AHCYL2: variants seen among roughly 807,000 people sequenced by gnomAD.
AHCYL2 encodes S-adenosylhomocysteine hydrolase-like protein 2.
AHCYL2 carries 28 observed loss-of-function variants against 81.4 expected under a neutral mutation model. The ratio of observed to expected loss-of-function variants is 0.34; its 90% CI spans 0.25 to 0.47. AHCYL2 has a LOEUF of 0.47. Ranked by LOEUF, AHCYL2 falls within the 20% of genes least tolerant of loss-of-function variation. The probability of loss-of-function intolerance (pLI) is 1.00; values close to 1 mark genes in which losing one functional copy is unlikely to be tolerated. For synonymous variants in AHCYL2, 272 were observed against 290.2 expected, an observed-to-expected ratio of 0.94 and a Z score of 0.64; for missense variants, 551 against 785.1, an observed-to-expected ratio of 0.70 and a Z score of 3.56.
intron 11 of AHCYL2, among the ~76,000 whole-genome samples, chr7:129,413,290 C>T (rs1289639611): frequency 2.6e-5 from 4 of 150,966 alleles, no homozygotes; most frequent in South Asian, 2.1e-4. Context: ...TAAAGGCACC[C>T]GCCACCACAC....
Position 129,406,027 on chromosome 7 carries a change from G to T in AHCYL2, c.1206+128G>T. 1.2e-6 allele frequency: 1 copy of T among 860,024 alleles called. No individual in the cohort carries two copies. Among genetic ancestry groups the T allele is most frequent in the Non-Finnish European group, 1.8e-6 (1 of 559,240 alleles). 53.3% of individuals were successfully genotyped at this position (860,024 alleles called of 1,614,324 possible). Reference sequence around the variant, plus strand: ...TTAGATGAGAAAAAGAATTTCAGAGGCCTTCTGGTTGAAGTAGACTTTCTT... The same window carrying T: ...TTAGATGAGAAAAAGAATTTCAGAGTCCTTCTGGTTGAAGTAGACTTTCTT... On this transcript the variant is annotated intron_variant, in intron 9 of 16. Transcript: ENST00000325006. The surrounding 1 kb of genome is among the most constrained non-coding windows in gnomAD (Gnocchi z 4.3).
At chr7:129,399,196 C>T (rs1317714935) in intron 5 of AHCYL2, among the ~76,000 whole-genome samples, 1 of 145,016 alleles carries the variant, frequency 6.9e-6, no homozygotes, top group Admixed American at 7.0e-5. Flanking sequence ...CACCTGTAAT[C>T]CCAGCACTTT....
Position 129,430,029 on chromosome 7 carries a change from A to ATATATATC in AHCYL2, c.*2999_*3006dup, listed in dbSNP as rs1297212786. 1.3e-5 allele frequency: 2 copies of ATATATATC among 150,648 alleles called. No homozygotes were observed. The allele number at this position is 150,648 out of a possible 1,614,324, so 9.3% of individuals were successfully genotyped here. ...CTAAACTCTATATATACATATATAT[A>ATATATATC]TATATATCTATATATCTATATACGT... On this transcript the variant is annotated 3_prime_UTR_variant, in exon 17 of 17. Coordinates refer to ENST00000325006, the MANE Select transcript of AHCYL2 (RefSeq NM_015328.4).
chr7:129,394,185 A>G (rs1303443495), intron 4 of AHCYL2, among the ~76,000 whole-genome samples: 1 of 151,118 alleles, frequency 6.6e-6, no homozygotes, highest in Non-Finnish European at 1.5e-5. Context: ...ATTTTTTTTA[A>G]TTTTTTGTAG....
rs528854642 is a variant in AHCYL2 at position 129,251,636 on chromosome 7, G to A, written c.363+26197G>A. Among the ~76,000 whole-genome samples the A allele has an allele frequency of 9.2e-5, 14 of 152,212 alleles. No homozygotes were observed. The South Asian group carries it at 2.9e-3, about 32-fold the overall frequency. ...GGCGTCCCAAAGTGGTGAGATTACA[G>A]GTGTGCGCCACTGTGCCTGGCCAGC... is the stretch of plus-strand genomic sequence containing the variant. On this transcript the variant is annotated intron_variant, in intron 1 of 16. Coordinates refer to ENST00000325006, the MANE Select transcript of AHCYL2 (RefSeq NM_015328.4).
intron 11 of AHCYL2, chr7:129,410,140 T>G: frequency 1.3e-6 from 2 of 1,589,140 alleles, no homozygotes; most frequent in Non-Finnish European, 1.7e-6. Context: ...CAAATTGAGA[T>G]GAACGATTAT....
At position 129,422,891 on chromosome 7, in the gene AHCYL2, G is replaced by A. The variant is rs1797181027; in HGVS notation, c.1513G>A (p.Asp505Asn). Residue 505 changes from aspartate to asparagine, a missense_variant, in exon 13 of 17, where the codon GAC becomes AAC. By Grantham distance (23) the Asp-to-Asn change is conservative. Coordinates refer to ENST00000325006, the MANE Select transcript of AHCYL2 (RefSeq NM_015328.4). ...LTWERVRSQV[D>N]HVIWPDGKRI... ...CTGGGAGCGAGTGAGATCTCAAGTT[G>A]ACCATGTGATATGGCCTGATGGCAA... The A allele has an allele frequency of 6.2e-7, 1 of 1,614,014 alleles. No individual in the cohort carries two copies.
chr7:129,371,864 T>A (rs966457964), intron 1 of AHCYL2, among the ~76,000 whole-genome samples: 26 of 152,218 alleles, frequency 1.7e-4, no homozygotes, highest in African/African-American at 6.0e-4. Context: ...AAAGAGTTAG[T>A]TCAAGCCGCT....
chr7:129,418,628 G>A (rs1796971231), intron 12 of AHCYL2, among the ~76,000 whole-genome samples: 1 of 152,144 alleles, frequency 6.6e-6, no homozygotes. Flanking sequence ...TACTCTGGAG[G>A]CCAGGTGTGG....
chr7:129,326,111 A>G (rs1798214646), intron 1 of AHCYL2, among the ~76,000 whole-genome samples: 1 of 152,204 alleles, frequency 6.6e-6, no homozygotes, highest in Non-Finnish European at 1.5e-5. Context: ...TAGTGTGATG[A>G]ACATTTGTAT....
At chr7:129,355,871 A>G (rs1197479683) in intron 1 of AHCYL2, among the ~76,000 whole-genome samples, 2 of 152,158 alleles carry the variant, frequency 1.3e-5, no homozygotes, top group Non-Finnish European at 2.9e-5. Flanking sequence ...ATTTGACTTC[A>G]ATGGGGAAAG....
At chr7:129,240,197 A>C in intron 1 of AHCYL2, among the ~76,000 whole-genome samples, 1 of 151,998 alleles carries the variant, frequency 6.6e-6, no homozygotes, top group Middle Eastern at 3.4e-3. Context: ...CCTGGGCAAC[A>C]TGAGCAAAAA....
intron 1 of AHCYL2, among the ~76,000 whole-genome samples, chr7:129,290,579 G>A (rs1796809662): frequency 6.6e-6 from 1 of 151,780 alleles, no homozygotes; most frequent in Non-Finnish European, 1.5e-5. Context: ...GCTGAAGAAA[G>A]TGCAGTATAA....
At chr7:129,358,285 G>C (rs1012329506) in intron 1 of AHCYL2, among the ~76,000 whole-genome samples, 6 of 151,888 alleles carry the variant, frequency 4.0e-5, no homozygotes, top group Non-Finnish European at 5.9e-5. Flanking sequence ...CCAGCTACTC[G>C]GGAGGCTGAG....
chr7:129,247,154 T>G (rs1484487246), intron 1 of AHCYL2, among the ~76,000 whole-genome samples: 1 of 152,228 alleles, frequency 6.6e-6, no homozygotes, highest in Non-Finnish European at 1.5e-5. Context: ...TGGCAAACTG[T>G]TTTCCAAAGC....
chr7:129,355,924 T>C (rs1464137227), intron 1 of AHCYL2, among the ~76,000 whole-genome samples: 1 of 152,166 alleles, frequency 6.6e-6, no homozygotes, highest in Non-Finnish European at 1.5e-5. Context: ...GTCAGAACTT[T>C]TTGGCAGAAA....
In AHCYL2 at chr7:129,427,138, C is replaced by T. The variant is rs981148464; in HGVS notation, c.*93C>T. Reference sequence around the variant, plus strand: ...GAAAGAATTCAGCAAGCTGCTTCTCCAATCAAAGCTGCCTGCCGTGCTCAC... The same window carrying T: ...GAAAGAATTCAGCAAGCTGCTTCTCTAATCAAAGCTGCCTGCCGTGCTCAC... On this transcript the variant is annotated 3_prime_UTR_variant, in exon 17 of 17. Coordinates refer to ENST00000325006, the MANE Select transcript of AHCYL2 (RefSeq NM_015328.4). The surrounding 1 kb of genome is among the most constrained non-coding windows in gnomAD (Gnocchi z 5.5). The T allele has an allele frequency of 7.2e-5, 95 of 1,324,068 alleles. No individual in the cohort carries two copies. The highest frequency in any genetic ancestry group is 9.8e-5 in the Non-Finnish European group (91 of 927,768). 82.0% of individuals were successfully genotyped at this position (1,324,068 alleles called of 1,614,324 possible). A position where few individuals can be genotyped will look rare whatever the true frequency, so the allele number is the denominator to read the frequency against.
intron 1 of AHCYL2, among the ~76,000 whole-genome samples, chr7:129,278,400 G>A (rs1796300910): frequency 6.6e-6 from 1 of 151,620 alleles, no homozygotes; most frequent in Admixed American, 6.6e-5. Context: ...TTAATTAATT[G>A]GGTTGTTTAT....
At chr7:129,357,717 G>A (rs1255015223) in intron 1 of AHCYL2, among the ~76,000 whole-genome samples, 3 of 152,116 alleles carry the variant, frequency 2.0e-5, no homozygotes, top group African/African-American at 7.2e-5. Flanking sequence ...GGTGGATCAC[G>A]AGGTCAGGAG....
Sources: gnomAD v4.1 joint callset for allele counts (sites outside exome capture counted in the v4.1 genomes callset) on GRCh38, gnomAD v4.1.1 for gene constraint, Gnocchi (gnomAD v3.1) non-coding constraint, MANE v1.5 for transcripts, NCBI Gene and HGNC (gene_info 2026-07-23, HGNC 2026-07-21) for gene names.